The following DNAJC16 variants were observed in gnomAD, a reference collection of about 807,000 sequenced individuals.
DNAJC16 encodes dnaJ homolog subfamily C member 16.
In DNAJC16, 76 loss-of-function variants were observed where a neutral mutation model predicts 92.7. The ratio of observed to expected loss-of-function variants is 0.82; its 90% CI spans 0.68 to 0.99. DNAJC16 has a LOEUF of 0.99. Ranked by LOEUF, DNAJC16 falls within the 50% of genes least tolerant of loss-of-function variation. DNAJC16 has a pLI of 0.00. For missense variants in DNAJC16, 869 were observed against 942.4 expected (o/e 0.92, Z 1.02); for synonymous variants, 328 against 358.7 (o/e 0.91, Z 0.97).
chr1:15,568,544 C>A lies in DNAJC16; in HGVS notation c.*367C>A. The A allele has an allele frequency of 2.4e-6, 1 of 424,946 alleles. No individual in the cohort carries two copies. The highest frequency in any genetic ancestry group is 2.0e-5 in the African/African-American group (1 of 49,364). 26.3% of individuals were successfully genotyped at this position (424,946 alleles called of 1,614,324 possible). On this transcript the variant is annotated 3_prime_UTR_variant, in exon 15 of 15. Transcript: ENST00000375847. ...CACCCTGCAAGCGGCATCTGGCGGA[C>A]CCTCATGAGCCTGTCGTGCAGGCCA...
chr1:15,539,723 C>T (rs1481767373), intron 4 of DNAJC16, among the ~76,000 whole-genome samples: 2 of 151,610 alleles, frequency 1.3e-5, no homozygotes, highest in Non-Finnish European at 2.9e-5. Flanking sequence ...AATATCTTTT[C>T]GGGAAGAAAA....
chr1:15,527,701 C>A (rs1710551246), intron 1 of DNAJC16, among the ~76,000 whole-genome samples: 1 of 152,136 alleles, frequency 6.6e-6, no homozygotes, highest in Admixed American at 6.5e-5. Context: ...AGCACGTATG[C>A]AATTTTAAAC....
chr1:15,563,787 T>C (rs1638745726), intron 9 of DNAJC16, 142 bp from the exon 10 acceptor site: 1 of 764,152 alleles, frequency 1.3e-6, no homozygotes, highest in Non-Finnish European at 2.0e-6. Flanking sequence ...GAGGCGGAGC[T>C]TGCAGTGAGC....
intron 7 of DNAJC16, among the ~76,000 whole-genome samples, chr1:15,551,738 C>T (rs1385781643): frequency 2.0e-5 from 3 of 151,932 alleles, no homozygotes; most frequent in South Asian, 2.1e-4. Flanking sequence ...CTCAGTCTCC[C>T]GAGCAGCTGA....
At chr1:15,549,800 A>G (rs1638400537) in intron 7 of DNAJC16, among the ~76,000 whole-genome samples, 1 of 145,590 alleles carries the variant, frequency 6.9e-6, no homozygotes, top group Admixed American at 6.9e-5. Context: ...CCTGGGCGAC[A>G]GAGCAAGACT....
intron 4 of DNAJC16, among the ~76,000 whole-genome samples, chr1:15,537,305 G>A (rs1436940135): frequency 6.6e-6 from 1 of 152,164 alleles, no homozygotes. Context: ...GTCAGCTAAG[G>A]AATCTTCAGT....
intron 2 of DNAJC16, among the ~76,000 whole-genome samples, chr1:15,532,691 G>A (rs1557568756): frequency 6.9e-6 from 1 of 144,378 alleles, no homozygotes; most frequent in South Asian, 2.2e-4. Context: ...GGTTGGTTTT[G>A]TTGGTATTTT....
chr1:15,561,854 C>CTA (rs1457639813), intron 8 of DNAJC16, among the ~76,000 whole-genome samples: 12 of 151,410 alleles, frequency 7.9e-5, no homozygotes, highest in East Asian at 1.9e-4. Context: ...ATAAACAAAA[C>CTA]TATATATATA....
intron 6 of DNAJC16, among the ~76,000 whole-genome samples, chr1:15,547,855 G>A (rs968446048): frequency 6.6e-6 from 1 of 152,056 alleles, no homozygotes; most frequent in Non-Finnish European, 1.5e-5. Context: ...GACCTGCCCT[G>A]TGAATGATTC....
At chr1:15,550,962 C>T (rs1196314708) in intron 7 of DNAJC16, among the ~76,000 whole-genome samples, 3 of 152,168 alleles carry the variant, frequency 2.0e-5, no homozygotes, top group South Asian at 2.1e-4. Flanking sequence ...CTCCGCCTCC[C>T]GGGTTCAGGC....
chr1:15,567,003 G>A (rs1638825118), intron 13 of DNAJC16, 96 bp from the exon 14 acceptor site: 2 of 1,209,722 alleles, frequency 1.7e-6, no homozygotes, highest in South Asian at 2.8e-5. Flanking sequence ...ACCTAGTCTG[G>A]TTAGAACATA....
At chr1:15,542,134 T>A (rs1400022102) in intron 4 of DNAJC16, 1 of 152,184 alleles carries the variant, frequency 6.6e-6, no homozygotes, top group Non-Finnish European at 1.5e-5. Context: ...CACGCCTGTA[T>A]GATGAAGCCT....
At chr1:15,559,470 T>A in intron 7 of DNAJC16, 56 bp from the exon 8 acceptor site, 1 of 1,601,848 alleles carries the variant, frequency 6.2e-7, no homozygotes, top group South Asian at 1.1e-5. Context: ...AGAAAGCCCA[T>A]CTATTTGCAT....
At chr1:15,548,485 G>C in intron 7 of DNAJC16, 57 bp downstream of exon 7, 1 of 1,492,874 alleles carries the variant, frequency 6.7e-7, no homozygotes, top group East Asian at 2.4e-5. Context: ...AAGATTTTAT[G>C]TAAATAAACA....
rs1425810070 is a variant in DNAJC16, at chr1:15,546,826, T to C, written c.819T>C (p.His273=). Residue 273 remains histidine (H), a synonymous_variant, in exon 6 of 15, where the codon CAT becomes CAC. Transcript: ENST00000375847. ...LSGWQQENKP[H]VLLFDQTPIV... ...GCTGGCAGCAAGAGAATAAGCCTCA[T>C]GTCCTTCTGTTTGACCAAACGCCCA... 1.2e-6 allele frequency: 2 copies of C among 1,613,870 alleles called. No homozygotes were observed. Among genetic ancestry groups the C allele is most frequent in the East Asian group, 2.2e-5 (1 of 44,874 alleles).
Position 15,569,976 on chromosome 1 carries a change from C to T in DNAJC16, c.*1799C>T, listed in dbSNP as rs1001891937. On this transcript the variant is annotated 3_prime_UTR_variant, in exon 15 of 15. Coordinates refer to ENST00000375847, the MANE Select transcript of DNAJC16 (RefSeq NM_015291.4). ...AGTTAGTATTTCTTTAATCTTAATGCTTTAAACTAAGCCACTTGGATCCTG... is the reference window on the plus strand; with the variant it reads ...AGTTAGTATTTCTTTAATCTTAATGTTTTAAACTAAGCCACTTGGATCCTG... 1 of 152,614 alleles carries T rather than the reference C, an allele frequency of 6.6e-6. No homozygotes were observed. The highest frequency in any genetic ancestry group is 2.4e-5 in the African/African-American group (1 of 41,530). The allele number at this position is 152,614 out of a possible 1,614,324, so 9.5% of individuals were successfully genotyped here.
At chr1:15,534,080 G>C (rs930788094) in intron 2 of DNAJC16, among the ~76,000 whole-genome samples, 157 bp from the exon 3 acceptor site, 1 of 152,198 alleles carries the variant, frequency 6.6e-6, no homozygotes, top group African/African-American at 2.4e-5. Flanking sequence ...TTATAGTCAT[G>C]TAAAACAACT....
At position 15,564,124 on chromosome 1, in the gene DNAJC16, G is replaced by C; in HGVS notation, c.1521+13G>C. ...TGAACTTGCCCCTGTGAGCATCGGG[G>C]CTGGGAAGGGTGGGACACCAGGAGG... On this transcript the variant is annotated intron_variant, in intron 10 of 14. Coordinates refer to ENST00000375847, the MANE Select transcript of DNAJC16 (RefSeq NM_015291.4). 1 of 1,613,802 alleles carries C rather than the reference G, an allele frequency of 6.2e-7. No homozygotes were observed. The highest frequency in any genetic ancestry group is 8.5e-7 in the Non-Finnish European group (1 of 1,179,802).
chr1:15,529,201 A>C lies in DNAJC16; in HGVS notation c.96A>C (p.Arg32Ser). 6.2e-7 allele frequency: 1 copy of C among 1,614,108 alleles called. No homozygotes were observed. Among genetic ancestry groups the C allele is most frequent in the African/African-American group, 1.3e-5 (1 of 75,056 alleles). The change falls in exon 2 of 15, where the codon AGA (arginine) becomes AGC (serine). Residue 32 changes from arginine to serine, a missense_variant. Arg to Ser is a moderately radical substitution (Grantham distance 110, BLOSUM62 -1). Coordinates refer to ENST00000375847, the MANE Select transcript of DNAJC16 (RefSeq NM_015291.4). ...ILSALDFDPYRVLGVSRTASQ... is the reference protein window; with the variant it reads ...ILSALDFDPYSVLGVSRTASQ... ...CTGCGTTGGATTTTGACCCATACAG[A>C]GTCCTAGGGGTCAGCCGAACAGCCA...
Sources: gnomAD v4.1 joint callset for allele counts (sites outside exome capture counted in the v4.1 genomes callset) on GRCh38, gnomAD v4.1.1 for gene constraint, MANE v1.5 for transcripts, NCBI Gene and HGNC (gene_info 2026-07-23, HGNC 2026-07-21) for gene names.